The following STK32A variants were observed in gnomAD, a reference collection of about 807,000 sequenced individuals.
STK32A encodes the protein serine/threonine-protein kinase 32A.
A neutral mutation model predicts 53.2 loss-of-function variants in STK32A; 41 were observed. That is an observed-to-expected ratio of 0.77 (90% CI 0.60 to 1.00). The LOEUF is 1.00. Ranked by LOEUF, STK32A falls within the 50% of genes least tolerant of loss-of-function variation. The pLI, the probability that STK32A is intolerant of heterozygous loss-of-function variation, is 0.00. For synonymous variants in STK32A, 166 were observed against 162.8 expected (o/e 1.02, Z -0.15); for missense variants, 458 against 485.8 (o/e 0.94, Z 0.54).
chr5:147,362,930 T>G (rs1018826904), intron 8 of STK32A, among the ~76,000 whole-genome samples: 1 of 151,660 alleles, frequency 6.6e-6, no homozygotes, highest in Non-Finnish European at 1.5e-5. Flanking sequence ...ACACCTTTTT[T>G]TTTTAATTAG....
At chr5:147,281,899 C>T (rs1333185367) in intron 4 of STK32A, among the ~76,000 whole-genome samples, 1 of 152,154 alleles carries the variant, frequency 6.6e-6, no homozygotes, top group East Asian at 1.9e-4. Context: ...ATTAGATTAA[C>T]AGCAGATTTC....
intron 5 of STK32A, 27 bp downstream of exon 5, chr5:147,324,098 T>C (rs1352431721): frequency 1.9e-6 from 3 of 1,572,104 alleles, no homozygotes; most frequent in Non-Finnish European, 2.6e-6. Context: ...GAGATGGCCA[T>C]GAACGTAACG....
At chr5:147,377,942 G>T (rs1757296062) in intron 11 of STK32A, among the ~76,000 whole-genome samples, 3 of 152,106 alleles carry the variant, frequency 2.0e-5, no homozygotes, top group Admixed American at 2.0e-4. Flanking sequence ...AAAATAAAAG[G>T]TACTTTGCTT....
Position 147,248,446 on chromosome 5 carries a change from T to C in STK32A, c.52+8760T>C, listed in dbSNP as rs555632830. 5.3e-5 allele frequency among the ~76,000 whole-genome samples: 8 copies of C among 152,298 alleles called. No homozygotes were observed. In the South Asian group the frequency reaches 1.7e-3, roughly 32 times the overall value. On this transcript the variant is annotated intron_variant, in intron 2 of 12. Coordinates refer to ENST00000397936, the MANE Select transcript of STK32A (RefSeq NM_001112724.2). ...GGTAAAATATGCTATTTTTGTAAGA[T>C]ATATTATTTAATGGCCACACAACCT...
At position 147,259,898 on chromosome 5, in the gene STK32A, T is replaced by TCC. The variant is rs532374404; in HGVS notation, c.53-18225_53-18224dup. Among the ~76,000 whole-genome samples, 121 of 138,514 alleles carry TCC rather than the reference T, an allele frequency of 8.7e-4. 3 individuals carry two copies. The highest frequency in any genetic ancestry group is 3.3e-3 in the African/African-American group (116 of 35,072). The allele number at this position is 138,514 out of a possible 152,430, so 90.9% of individuals were successfully genotyped here. ...TCTCTCCTGTCTCTCTCTTTCTCTC[T>TCC]CCTCTCTCTCTCTCCCCTCTTGTCT... is the stretch of plus-strand genomic sequence containing the variant. On this transcript the variant is annotated intron_variant, in intron 2 of 12. Coordinates refer to ENST00000397936, the MANE Select transcript of STK32A (RefSeq NM_001112724.2).
intron 2 of STK32A, among the ~76,000 whole-genome samples, chr5:147,248,121 CAAAAAAAAAAAA>C (rs34098316): frequency 1.2e-5 from 1 of 80,120 alleles, no homozygotes; most frequent in East Asian, 5.5e-4. Context: ...AACTCCGTCT[CAAAAAAAAAAAA>C]AAAAAAAAGT....
intron 2 of STK32A, among the ~76,000 whole-genome samples, chr5:147,268,905 T>C (rs73794349): frequency 0.014 from 2,168 of 152,180 alleles, 65 homozygotes; most frequent in African/African-American, 0.049. Context: ...AATATGAACA[T>C]TGTTGTGAGT....
At chr5:147,266,453 G>A (rs1754816503) in intron 2 of STK32A, among the ~76,000 whole-genome samples, 2 of 152,156 alleles carry the variant, frequency 1.3e-5, no homozygotes, top group African/African-American at 4.8e-5. Flanking sequence ...TATTATAAAT[G>A]ATGATGTGCT....
chr5:147,365,232 A>T (rs182621788), intron 8 of STK32A, among the ~76,000 whole-genome samples: 35 of 152,268 alleles, frequency 2.3e-4, no homozygotes, highest in Admixed American at 2.1e-3. Context: ...GAAATCAAAG[A>T]TGAGTGTTTC....
At chr5:147,325,469 G>A (rs1388468154) in intron 5 of STK32A, among the ~76,000 whole-genome samples, 1 of 152,152 alleles carries the variant, frequency 6.6e-6, no homozygotes, top group Non-Finnish European at 1.5e-5. Context: ...TTATCTTGAT[G>A]AGTACAGAGC....
At chr5:147,236,222 T>G (rs31037) in intron 1 of STK32A, among the ~76,000 whole-genome samples, 119,174 of 152,080 alleles carry the variant, frequency 0.78, 47,098 homozygotes, top group African/African-American at 0.87. Flanking sequence ...TAGGGAACTA[T>G]TTCCCAGTTA....
the STK32A span, among the ~76,000 whole-genome samples, chr5:147,394,880 C>T: frequency 1.3e-5 from 2 of 152,112 alleles, no homozygotes; most frequent in African/African-American, 4.8e-5. Flanking sequence ...CTTTAAATGT[C>T]TTTCTTTTCT....
intron 8 of STK32A, among the ~76,000 whole-genome samples, chr5:147,364,215 CAAAAAAAAAAA>C (rs764357691): frequency 3.0e-5 from 2 of 66,878 alleles, no homozygotes; most frequent in East Asian, 5.4e-4. Context: ...AACTCCATCT[CAAAAAAAAAAA>C]AAAAAAAAAG....
intron 2 of STK32A, among the ~76,000 whole-genome samples, chr5:147,265,365 G>A (rs1754760218): frequency 6.6e-6 from 1 of 151,882 alleles, no homozygotes; most frequent in Admixed American, 6.6e-5. Context: ...CATCTCTGAA[G>A]GTCCATAGTG....
intron 5 of STK32A, among the ~76,000 whole-genome samples, chr5:147,330,843 G>A (rs1331545392): frequency 6.6e-6 from 1 of 152,160 alleles, no homozygotes; most frequent in African/African-American, 2.4e-5. Context: ...ATGGCTATTA[G>A]CACATTTACC....
chr5:147,239,572 C>A lies in STK32A; in HGVS notation c.-63C>A. The A allele has an allele frequency of 1.5e-6, 2 of 1,310,252 alleles. No homozygotes were observed. 81.2% of individuals were successfully genotyped at this position (1,310,252 alleles called of 1,614,324 possible). A position where few individuals can be genotyped will look rare whatever the true frequency, so the allele number is the denominator to read the frequency against. On this transcript the variant is annotated 5_prime_UTR_variant, in exon 2 of 13. Transcript: ENST00000397936. ...CTAAGGCTTCGGGACATGTTTTGAG[C>A]GAAGATGGGTGTTTCTGCCCGGATA... is the stretch of plus-strand genomic sequence containing the variant.
intron 4 of STK32A, among the ~76,000 whole-genome samples, chr5:147,294,013 C>G (rs73797614): frequency 0.33 from 50,767 of 151,988 alleles, 8,867 homozygotes; most frequent in South Asian, 0.6. Context: ...ATAAGATTTT[C>G]ATAAATCTTT....
At chr5:147,314,497 TCAAAAAAAA>T (rs1382812376) in intron 4 of STK32A, among the ~76,000 whole-genome samples, 1 of 21,892 alleles carries the variant, frequency 4.6e-5, no homozygotes, top group East Asian at 7.4e-4. Flanking sequence ...AAACTCCATA[TCAAAAAAAA>T]CAAAAAAAAA....
intron 5 of STK32A, among the ~76,000 whole-genome samples, chr5:147,332,564 T>G (rs1268256003): frequency 1.3e-5 from 2 of 152,196 alleles, no homozygotes; most frequent in Non-Finnish European, 2.9e-5. Flanking sequence ...TTTGTTGCAG[T>G]GGAATAATAG....
Sources: gnomAD v4.1 joint callset for allele counts (sites outside exome capture counted in the v4.1 genomes callset) on GRCh38, gnomAD v4.1.1 for gene constraint, MANE v1.5 for transcripts, NCBI Gene and HGNC (gene_info 2026-07-23, HGNC 2026-07-21) for gene names.